The following SASH1 variants were observed in gnomAD, a reference collection of about 807,000 sequenced individuals.
SASH1 encodes SAM and SH3 domain containing 1.
A neutral mutation model predicts 125.2 loss-of-function variants in SASH1; 44 were observed. The observed-to-expected ratio is 0.35, with a 90% CI of 0.28 to 0.45. The LOEUF is 0.45. SASH1 is among the 20% of genes least tolerant of loss of function. The pLI is 1.00. For synonymous variants in SASH1, 639 were observed against 649.1 expected, an observed-to-expected ratio of 0.98 and a Z score of 0.24; for missense variants, 1,426 against 1,614.5, an observed-to-expected ratio of 0.88 and a Z score of 2.00.
chr6:148,453,795 C>T (rs982596659), intron 4 of SASH1, among the ~76,000 whole-genome samples: 1 of 152,320 alleles, frequency 6.6e-6, no homozygotes, highest in Middle Eastern at 3.4e-3. Context: ...AGGGGAACTG[C>T]AGAAGGAGGT....
chr6:148,520,375 A>G lies in SASH1; in HGVS notation c.1209+482A>G, dbSNP rs879126139. On this transcript the variant is annotated intron_variant, in intron 10 of 19. Coordinates refer to ENST00000367467, the MANE Select transcript of SASH1 (RefSeq NM_015278.5). ...AAAAGGGTTCTCTTGAGAATCCACC[A>G]GAAGTCTGTGAGTCACAAAGATGGT... 3.0e-5 allele frequency: 5 copies of G among 164,766 alleles called. No homozygotes were observed. The South Asian group carries it at 8.1e-4, about 27-fold the overall frequency. 10.2% of individuals were successfully genotyped at this position (164,766 alleles called of 1,614,324 possible).
chr6:148,402,671 GTGGCACGAT>G (rs1784220262), intron 2 of SASH1, among the ~76,000 whole-genome samples: 1 of 148,888 alleles, frequency 6.7e-6, no homozygotes, highest in Non-Finnish European at 1.5e-5. Context: ...CTGGAATGCA[GTGGCACGAT>G]CTTGGCTCAC....
chr6:148,272,455 G>A (rs1345176349), intron 1 of SASH1: 2 of 443,422 alleles, frequency 4.5e-6, no homozygotes, highest in Admixed American at 2.4e-5. Context: ...ATTCAGGAAA[G>A]GACTATTGTG....
intron 1 of SASH1, among the ~76,000 whole-genome samples, chr6:148,363,076 G>A (rs550583338): frequency 6.6e-6 from 1 of 152,260 alleles, no homozygotes; most frequent in African/African-American, 2.4e-5. Context: ...TGCTGATGTG[G>A]GGCAGGGACC....
chr6:148,287,623 G>A (rs1024117269), intron 1 of SASH1, among the ~76,000 whole-genome samples: 1 of 151,400 alleles, frequency 6.6e-6, no homozygotes, highest in African/African-American at 2.4e-5. Context: ...TGAGCAGATT[G>A]TTACTTCACA....
intron 1 of SASH1, among the ~76,000 whole-genome samples, chr6:148,326,495 C>T (rs1780834384): frequency 6.8e-6 from 1 of 147,754 alleles, no homozygotes; most frequent in Admixed American, 6.9e-5. Flanking sequence ...ACCACTGCCT[C>T]CCGGGTTCAA....
At chr6:148,330,793 C>A (rs995340871) in intron 1 of SASH1, among the ~76,000 whole-genome samples, 1 of 152,116 alleles carries the variant, frequency 6.6e-6, no homozygotes, top group Non-Finnish European at 1.5e-5. Flanking sequence ...GCCATGTTGG[C>A]CAGGCTGGTC....
At chr6:148,445,156 C>T (rs949586447) in intron 4 of SASH1, among the ~76,000 whole-genome samples, 10 of 152,184 alleles carry the variant, frequency 6.6e-5, no homozygotes, top group Non-Finnish European at 1.3e-4. Flanking sequence ...TGGCAATCTT[C>T]TTTACTGCAT....
chr6:148,268,316 A>G (rs1046774124), upstream of SASH1, among the ~76,000 whole-genome samples: 10 of 152,176 alleles, frequency 6.6e-5, no homozygotes, highest in South Asian at 8.3e-4. Flanking sequence ...CTAAATTTTT[A>G]TTATTTTTCT....
intron 4 of SASH1, among the ~76,000 whole-genome samples, chr6:148,451,613 C>T (rs7341203): frequency 0.53 from 79,891 of 151,870 alleles, 21,377 homozygotes; most frequent in East Asian, 0.7. Flanking sequence ...GCCTGGGCAA[C>T]ACAGCAAGAC....
chr6:148,449,129 T>G (rs1287181459), intron 4 of SASH1, among the ~76,000 whole-genome samples: 4 of 136,514 alleles, frequency 2.9e-5, no homozygotes, highest in Non-Finnish European at 6.3e-5. Flanking sequence ...AGTGCAGTGG[T>G]GCAAATCTCG....
At chr6:148,474,695 C>T (rs1487368627) in intron 7 of SASH1, among the ~76,000 whole-genome samples, 1 of 152,150 alleles carries the variant, frequency 6.6e-6, no homozygotes, top group East Asian at 1.9e-4. Flanking sequence ...TGTCAGCCTC[C>T]TGAGTAGCTG....
intron 4 of SASH1, among the ~76,000 whole-genome samples, chr6:148,456,446 T>C (rs2115060673): frequency 6.6e-6 from 1 of 152,334 alleles, no homozygotes; most frequent in South Asian, 2.1e-4. Flanking sequence ...CTCAGCCACA[T>C]TTCCCCATAG....
At chr6:148,282,788 G>C (rs1197253873) in intron 1 of SASH1, among the ~76,000 whole-genome samples, 1 of 152,068 alleles carries the variant, frequency 6.6e-6, no homozygotes, top group Non-Finnish European at 1.5e-5. Context: ...TTGGGGGCTA[G>C]AGGCAGAATA....
intron 1 of SASH1, among the ~76,000 whole-genome samples, chr6:148,288,327 G>A (rs550369930): frequency 3.9e-5 from 6 of 152,310 alleles, no homozygotes; most frequent in African/African-American, 1.4e-4. Flanking sequence ...AGGCATCACG[G>A]GAATCAGCCC....
rs11412396 is a variant in SASH1 at position 148,378,053 on chromosome 6, ATT to A, written c.157-12065_157-12064del. 6.8e-3 allele frequency among the ~76,000 whole-genome samples: 951 copies of A among 140,414 alleles called. 11 individuals carry two copies. Among genetic ancestry groups the A allele is most frequent in the African/African-American group, 0.022 (861 of 38,270 alleles). The allele number at this position is 140,414 out of a possible 152,430, so 92.1% of individuals were successfully genotyped here. ...TGACTGGAGTTCTCTGTCACCCACA[ATT>A]TTTTTTTTTTTTTTTGACGGAGTTT... is the stretch of plus-strand genomic sequence containing the variant. On this transcript the variant is annotated intron_variant, in intron 1 of 19. Coordinates refer to ENST00000367467, the MANE Select transcript of SASH1 (RefSeq NM_015278.5).
chr6:148,271,892 T>G (rs1011197966), upstream of SASH1, among the ~76,000 whole-genome samples: 5 of 152,176 alleles, frequency 3.3e-5, no homozygotes, highest in African/African-American at 9.7e-5. Context: ...GTGGAAAAAC[T>G]ATATTCAATG....
At position 148,540,442 on chromosome 6, in the gene SASH1, G is replaced by A. The variant is rs371626195; in HGVS notation, c.2096-1G>A. 6.2e-7 allele frequency: 1 copy of A among 1,612,976 alleles called. No homozygotes were observed. Among genetic ancestry groups the A allele is most frequent in the African/African-American group, 1.3e-5 (1 of 74,874 alleles). On this transcript the variant is annotated splice_acceptor_variant, in intron 16 of 19. Coordinates refer to ENST00000367467, the MANE Select transcript of SASH1 (RefSeq NM_015278.5). LOFTEE classifies it high-confidence loss of function. The stretch of plus-strand genomic sequence containing the variant: ...ATTTCATGCCGTGTTCTCTCCTCTA[G>A]GTAACAGCGACCAGTCAGGATCCCA...
chr6:148,216,507 A>G, the SASH1 span, among the ~76,000 whole-genome samples: 3 of 152,300 alleles, frequency 2.0e-5, no homozygotes, highest in East Asian at 5.8e-4. Context: ...CCATGAACAA[A>G]AACAAAAAAC....
Sources: allele counts gnomAD v4.1 joint callset (sites outside exome capture counted in the v4.1 genomes callset), GRCh38; gene constraint gnomAD v4.1.1; transcripts MANE v1.5; gene names NCBI Gene and HGNC (gene_info 2026-07-23, HGNC 2026-07-21).